The following INSR variants were observed in gnomAD, a reference collection of about 807,000 sequenced individuals.
INSR encodes IR.
A neutral mutation model predicts 142.6 loss-of-function variants in INSR; 67 were observed. That is an observed-to-expected ratio of 0.47 (90% CI 0.39 to 0.58). INSR has a LOEUF of 0.58. Among genes scored for constraint, INSR ranks in the 20% least tolerant of loss-of-function variants. INSR has a pLI of 0.00. For synonymous variants in INSR, 756 were observed against 743.1 expected (o/e 1.02, Z -0.28); for missense variants, 1,248 against 1,833.2 (o/e 0.68, Z 5.83).
intron 4 of INSR, 106 bp from the exon 5 acceptor site, chr19:7,172,540 T>C: frequency 1.6e-6 from 2 of 1,223,860 alleles, no homozygotes; most frequent in South Asian, 1.2e-5. Flanking sequence ...TGACTGGACA[T>C]ACCCAGCTCA....
At chr19:7,136,235 TGA>T (rs1242702240) in intron 13 of INSR, among the ~76,000 whole-genome samples, 1 of 151,824 alleles carries the variant, frequency 6.6e-6, no homozygotes, top group African/African-American at 2.4e-5. Context: ...GAGTGGGAGG[TGA>T]GAGCCACTCA....
intron 4 of INSR, 99 bp from the exon 5 acceptor site, chr19:7,172,533 C>T: frequency 7.8e-7 from 1 of 1,284,552 alleles, no homozygotes; most frequent in Non-Finnish European, 1.1e-6. Context: ...CTGCAAATGA[C>T]TGGACATACC....
Position 7,216,740 on chromosome 19 carries a change from G to A in INSR, c.653-32103C>T, listed in dbSNP as rs908119402. Among the ~76,000 whole-genome samples, 2 of 152,200 alleles carry A rather than the reference G, an allele frequency of 1.3e-5. No homozygotes were observed. The highest frequency in any genetic ancestry group is 1.3e-4 in the Admixed American group (2 of 15,280). On this transcript the variant is annotated intron_variant, in intron 2 of 21. Coordinates refer to ENST00000302850, the MANE Select transcript of INSR (RefSeq NM_000208.4). The surrounding 1 kb of genome is among the most constrained non-coding windows in gnomAD (Gnocchi z 4.2). ...CGCCCAGAGGGGGTTTCCAGGCCCA[G>A]GTGCTGGGTTTCTCACCGTATCCAT...
chr19:7,151,704 G>GA (rs113079437), intron 10 of INSR, among the ~76,000 whole-genome samples: 9,988 of 138,028 alleles, frequency 0.072, 527 homozygotes, highest in African/African-American at 0.14. Context: ...AAAAAGAAAA[G>GA]AAAAAAAAAA....
intron 13 of INSR, among the ~76,000 whole-genome samples, chr19:7,134,777 A>G (rs2144838971): frequency 6.6e-6 from 1 of 152,164 alleles, no homozygotes. Flanking sequence ...AGAAAAAGAA[A>G]ATGTGGTATA....
chr19:7,237,760 G>A (rs1260285262), intron 2 of INSR, among the ~76,000 whole-genome samples: 2 of 152,046 alleles, frequency 1.3e-5, no homozygotes, highest in East Asian at 3.8e-4. Flanking sequence ...AGCTTACAGT[G>A]AGCGAAGATG....
rs534009076 is a variant in INSR, at chr19:7,250,446, A to G, written c.652+16899T>C. ...GCAAGGAAGAAAGAAGAAAAGAAAG[A>G]AGAAAGAAAAGGAAGAAAAGAAAGA... On this transcript the variant is annotated intron_variant, in intron 2 of 21. Transcript: ENST00000302850. 5.4e-5 allele frequency among the ~76,000 whole-genome samples: 3 copies of G among 55,920 alleles called. No homozygotes were observed. In the South Asian group the frequency reaches 1.6e-3, roughly 29 times the overall value. 36.7% of individuals were successfully genotyped at this position (55,920 alleles called of 152,430 possible). A position where few individuals can be genotyped will look rare whatever the true frequency, so the allele number is the denominator to read the frequency against.
chr19:7,186,070 T>C (rs1309631571), intron 2 of INSR, among the ~76,000 whole-genome samples: 2 of 146,506 alleles, frequency 1.4e-5, no homozygotes, highest in Non-Finnish European at 3.0e-5. Context: ...GTGGTGGGCG[T>C]CTGTAATCCC....
In INSR at chr19:7,113,806, C is replaced by G. The variant is rs1157798619; in HGVS notation, c.*3250G>C. 1 of 152,084 alleles carries G rather than the reference C, an allele frequency of 6.6e-6. No individual in the cohort carries two copies. Among genetic ancestry groups the G allele is most frequent in the Non-Finnish European group, 1.5e-5 (1 of 68,010 alleles). The allele number at this position is 152,084 out of a possible 1,614,324, so 9.4% of individuals were successfully genotyped here. On this transcript the variant is annotated 3_prime_UTR_variant, in exon 22 of 22. Transcript: ENST00000302850. ...GCTCTTTTCACTGTGGCAGTAGAGT[C>G]AAATAAATGAAACTGGTGAATCCCA...
intron 2 of INSR, among the ~76,000 whole-genome samples, chr19:7,252,136 G>A (rs533239840): frequency 6.6e-4 from 100 of 152,160 alleles, no homozygotes; most frequent in African/African-American, 2.3e-3. Context: ...TTGCCAGTGC[G>A]TAGTGGCGCA....
chr19:7,277,468 C>T (rs1600123705), intron 1 of INSR, among the ~76,000 whole-genome samples: 2 of 152,020 alleles, frequency 1.3e-5, no homozygotes, highest in South Asian at 4.1e-4. Context: ...GATAAGCTAC[C>T]ACCAGAGCTA....
intron 2 of INSR, among the ~76,000 whole-genome samples, chr19:7,220,330 G>A (rs896240006): frequency 3.3e-5 from 5 of 152,002 alleles, no homozygotes; most frequent in South Asian, 2.1e-4. Flanking sequence ...TCGCTCTGTC[G>A]CCCAGCCTGG....
At position 7,168,461 on chromosome 19, in the gene INSR, A is replaced by T. The variant is rs1239067315; in HGVS notation, c.1484-367T>A. Among the ~76,000 whole-genome samples the T allele has an allele frequency of 6.6e-6, 1 of 152,200 alleles. No homozygotes were observed. Among genetic ancestry groups the T allele is most frequent in the Non-Finnish European group, 1.5e-5 (1 of 68,026 alleles). On this transcript the variant is annotated intron_variant, in intron 6 of 21. Transcript: ENST00000302850. The surrounding 1 kb of genome is among the most constrained non-coding windows in gnomAD (Gnocchi z 4.3). The stretch of plus-strand genomic sequence containing the variant: ...ACGTTGTCTCGCATATGGACTTGTA[A>T]GACTGACCTGGAAGGAGGTGCAACT...
chr19:7,243,638 C>T (rs1976438858), intron 2 of INSR, among the ~76,000 whole-genome samples: 1 of 152,168 alleles, frequency 6.6e-6, no homozygotes, highest in African/African-American at 2.4e-5. Flanking sequence ...CCTGCTATTT[C>T]ATTTTATGTG....
At chr19:7,254,722 G>A (rs1204252045) in intron 2 of INSR, among the ~76,000 whole-genome samples, 1 of 152,186 alleles carries the variant, frequency 6.6e-6, no homozygotes, top group Non-Finnish European at 1.5e-5. Flanking sequence ...CCAGCCTGAC[G>A]CACAGGCGCT....
intron 2 of INSR, among the ~76,000 whole-genome samples, chr19:7,231,861 C>G (rs1300990123): frequency 6.6e-6 from 1 of 151,886 alleles, no homozygotes; most frequent in Non-Finnish European, 1.5e-5. Context: ...ATTCTCCCAC[C>G]TCAGCCTCCC....
intron 9 of INSR, among the ~76,000 whole-genome samples, chr19:7,155,418 G>A (rs565862113): frequency 4.7e-4 from 72 of 151,664 alleles, no homozygotes; most frequent in Non-Finnish European, 8.8e-4. Flanking sequence ...CATGCCTGTA[G>A]TCCCAGCTAC....
chr19:7,153,334 ACG>A (rs1973479811), intron 9 of INSR, among the ~76,000 whole-genome samples: 1 of 84,724 alleles, frequency 1.2e-5, no homozygotes. Context: ...ACACACACCC[ACG>A]CCACACACCA....
At chr19:7,249,885 A>G (rs957762065) in intron 2 of INSR, among the ~76,000 whole-genome samples, 14 of 151,966 alleles carry the variant, frequency 9.2e-5, no homozygotes, top group South Asian at 2.1e-4. Flanking sequence ...CCAGCTACTC[A>G]GGAGGCTGAG....
Sources: gnomAD v4.1 joint callset for allele counts (sites outside exome capture counted in the v4.1 genomes callset) on GRCh38, gnomAD v4.1.1 for gene constraint, Gnocchi (gnomAD v3.1) non-coding constraint, MANE v1.5 for transcripts, NCBI Gene and HGNC (gene_info 2026-07-23, HGNC 2026-07-21) for gene names.